The following USP37 variants were observed in gnomAD, a reference collection of about 807,000 sequenced individuals.
The protein encoded by USP37 is ubiquitin specific peptidase 37.
In USP37, 27 loss-of-function variants were observed where a neutral mutation model predicts 124.0. The ratio of observed to expected loss-of-function variants is 0.22; its 90% CI spans 0.16 to 0.30. The LOEUF is 0.30. USP37 is among the 10% of genes least tolerant of loss of function. The pLI is 1.00. For synonymous variants in USP37, 365 were observed against 388.0 expected (o/e 0.94, Z 0.70); for missense variants, 889 against 1,140.4 (o/e 0.78, Z 3.17).
intron 20 of USP37, among the ~76,000 whole-genome samples, chr2:218,469,814 C>CTTTTTTTTTTTTTTTTTTTTTTTTTTTTT: frequency 1.5e-5 from 1 of 64,646 alleles, no homozygotes; most frequent in Non-Finnish European, 2.8e-5. Context: ...ACTCAACATT[C>CTTTTTTTTTTTTTTTTTTTTTTTTTTTTT]TTTTTTTTTT....
At chr2:218,511,239 A>G (rs894487494) in intron 10 of USP37, among the ~76,000 whole-genome samples, 3 of 152,058 alleles carry the variant, frequency 2.0e-5, no homozygotes, top group South Asian at 4.1e-4. Flanking sequence ...TCCCGGTTTC[A>G]AGCGAGTCTT....
intron 8 of USP37, among the ~76,000 whole-genome samples, chr2:218,537,518 G>A (rs1488420381): frequency 6.6e-6 from 1 of 152,206 alleles, no homozygotes; most frequent in Non-Finnish European, 1.5e-5. Flanking sequence ...CAGGTACTAT[G>A]AGCCAAACTG....
rs1269615761 is a variant in USP37 at position 218,467,175 on chromosome 2, C to T, written c.2300-999G>A. ...TCAGGAAGGTAAGAAATCCCCTCCC[C>T]CCTCCTCCCTTCCCCCTCCCCCTGC... On this transcript the variant is annotated intron_variant, in intron 20 of 25. Coordinates refer to ENST00000258399, the MANE Select transcript of USP37 (RefSeq NM_020935.3). 2.0e-5 allele frequency among the ~76,000 whole-genome samples: 3 copies of T among 151,334 alleles called. No individual in the cohort carries two copies. In the East Asian group the frequency reaches 5.9e-4, roughly 30 times the overall value.
At chr2:218,529,854 C>T (rs1691211155) in intron 10 of USP37, 102 bp downstream of exon 10, 3 of 843,526 alleles carry the variant, frequency 3.6e-6, no homozygotes, top group South Asian at 4.7e-5. Context: ...GTTAAATTAT[C>T]ATATTCACTT....
Position 218,474,622 on chromosome 2 carries a change from A to G in USP37, c.2299+8T>C, listed in dbSNP as rs1434207838. 2.5e-6 allele frequency: 4 copies of G among 1,613,358 alleles called. No individual in the cohort carries two copies. The highest frequency in any genetic ancestry group is 3.4e-6 in the Non-Finnish European group (4 of 1,179,776). Reference sequence around the variant, plus strand: ...GTTTCACAGAGGTTTAATCTTCATTAAACCTACCCAGCTCTGTGATTGTTT... The same window carrying G: ...GTTTCACAGAGGTTTAATCTTCATTGAACCTACCCAGCTCTGTGATTGTTT... On this transcript the variant is annotated splice_region_variant and intron_variant, in intron 20 of 25. Coordinates refer to ENST00000258399, the MANE Select transcript of USP37 (RefSeq NM_020935.3).
chr2:218,556,545 C>T (rs1007066002), intron 4 of USP37, among the ~76,000 whole-genome samples: 4 of 102,206 alleles, frequency 3.9e-5, no homozygotes, highest in African/African-American at 7.8e-5. Flanking sequence ...TGGAGTTTCG[C>T]TCTTGTTGCC....
intron 9 of USP37, among the ~76,000 whole-genome samples, chr2:218,531,383 A>G (rs1379212665): frequency 1.3e-5 from 2 of 152,260 alleles, no homozygotes; most frequent in African/African-American, 4.8e-5. Flanking sequence ...GATTTAATCA[A>G]TATTTTAAGC....
At chr2:218,487,343 A>G (rs1403687062) in intron 15 of USP37, among the ~76,000 whole-genome samples, 2 of 152,232 alleles carry the variant, frequency 1.3e-5, no homozygotes, top group African/African-American at 4.8e-5. Flanking sequence ...AACTTACGTG[A>G]TATCTACAGT....
chr2:218,491,409 G>A (rs552844825), intron 14 of USP37, among the ~76,000 whole-genome samples: 11 of 152,226 alleles, frequency 7.2e-5, no homozygotes, highest in East Asian at 3.9e-4. Context: ...TTCTACCCAC[G>A]ACCTTAATGA....
intron 10 of USP37, chr2:218,528,743 G>A (rs1345743267): frequency 5.0e-5 from 13 of 261,548 alleles, no homozygotes; most frequent in African/African-American, 2.7e-4. Context: ...TGCACTGCAT[G>A]ATCACATGTT....
intron 10 of USP37, among the ~76,000 whole-genome samples, chr2:218,527,613 T>C (rs1345152061): frequency 6.6e-6 from 1 of 152,222 alleles, no homozygotes; most frequent in Non-Finnish European, 1.5e-5. Flanking sequence ...CATTCCTATA[T>C]GGAATGAATA....
At chr2:218,523,939 G>A (rs1690805646) in intron 10 of USP37, among the ~76,000 whole-genome samples, 1 of 152,126 alleles carries the variant, frequency 6.6e-6, no homozygotes, top group African/African-American at 2.4e-5. Context: ...TTTCATAATT[G>A]TAATGTGATT....
chr2:218,526,051 C>T (rs547880996), intron 10 of USP37, among the ~76,000 whole-genome samples: 324 of 152,232 alleles, frequency 2.1e-3, no homozygotes, highest in Admixed American at 4.0e-3. Context: ...TAGTATTCTA[C>T]GGTGTATATG....
intron 10 of USP37, among the ~76,000 whole-genome samples, chr2:218,529,352 C>T (rs780954101): frequency 2.6e-5 from 4 of 151,956 alleles, no homozygotes; most frequent in Non-Finnish European, 5.9e-5. Context: ...CAAAAATTAG[C>T]GTGGTGTGCT....
Position 218,546,934 on chromosome 2 carries a change from C to G in USP37, c.587G>C (p.Gly196Ala). Reference protein sequence around the residue: ...LTSTSTPLRSGLLENRTEKRK... With the variant: ...LTSTSTPLRSALLENRTEKRK... Reference sequence around the variant, plus strand: ...TCTCTCCTACCGATTTTCTAGCAACCCTGATCTAAGAGGTGTTGAAGTAGA... The same window carrying G: ...TCTCTCCTACCGATTTTCTAGCAACGCTGATCTAAGAGGTGTTGAAGTAGA... The change falls in exon 7 of 26, where the codon GGG becomes GCG. Residue 196 changes from glycine (G) to alanine (A), a missense_variant. Transcript: ENST00000258399. 1 of 1,609,370 alleles carries G rather than the reference C, an allele frequency of 6.2e-7. No homozygotes were observed. The highest frequency in any genetic ancestry group is 8.5e-7 in the Non-Finnish European group (1 of 1,178,904).
chr2:218,469,284 T>C (rs1690541625), intron 20 of USP37, among the ~76,000 whole-genome samples: 1 of 152,296 alleles, frequency 6.6e-6, no homozygotes, highest in South Asian at 2.1e-4. Flanking sequence ...TGCCATGGCC[T>C]AGAAGGGGCA....
At chr2:218,459,743 A>G (rs111523485) in intron 23 of USP37, 47 bp downstream of exon 23, 1 of 1,523,276 alleles carries the variant, frequency 6.6e-7, no homozygotes, top group Non-Finnish European at 9.0e-7. Context: ...GAGTGGGAAG[A>G]GTGACACTGA....
intron 14 of USP37, among the ~76,000 whole-genome samples, chr2:218,495,519 A>C (rs1689038101): frequency 6.6e-6 from 1 of 152,206 alleles, no homozygotes; most frequent in Non-Finnish European, 1.5e-5. Context: ...TATGACGTAG[A>C]AAGGAAGATG....
At chr2:218,529,477 C>CAAAAAAAAAAAA (rs71403049) in intron 10 of USP37, among the ~76,000 whole-genome samples, 1 of 112,482 alleles carries the variant, frequency 8.9e-6, no homozygotes. Context: ...TGGTCTCAAA[C>CAAAAAAAAAAAA]AAAAAAAAAA....
Sources: allele counts gnomAD v4.1 joint callset (sites outside exome capture counted in the v4.1 genomes callset), GRCh38; gene constraint gnomAD v4.1.1; transcripts MANE v1.5; gene names NCBI Gene and HGNC (gene_info 2026-07-23, HGNC 2026-07-21).